The following OR56A3 variants were observed in gnomAD, a reference collection of about 807,000 sequenced individuals.
OR56A3 encodes olfactory receptor family 56 subfamily A member 3.
OR56A3 carries 23 observed loss-of-function variants against 17.5 expected under a neutral mutation model. The ratio of observed to expected loss-of-function variants is 1.32; its 90% CI spans 0.95 to 1.87. The LOEUF (loss-of-function observed/expected upper bound fraction) is 1.87, where lower values mean the gene tolerates loss of function less well. Ranked by LOEUF, OR56A3 falls within the 40% of genes most tolerant of loss-of-function variation. OR56A3 has a pLI of 0.00. For synonymous variants in OR56A3, 175 were observed against 150.6 expected, an observed-to-expected ratio of 1.16 and a Z score of -1.19; for missense variants, 366 against 380.1, an observed-to-expected ratio of 0.96 and a Z score of 0.31.
Position 5,947,450 on chromosome 11 carries a change from T to G in OR56A3, c.104T>G (p.Leu35Arg). 1 of 1,614,230 alleles carries G rather than the reference T, an allele frequency of 6.2e-7. No homozygotes were observed. The highest frequency in any genetic ancestry group is 8.5e-7 in the Non-Finnish European group (1 of 1,180,032). The change falls in exon 3 of 3, where the codon CTC becomes CGC. Residue 35 changes from leucine to arginine, a missense_variant. By Grantham distance (102) the Leu-to-Arg change is moderately radical. Transcript: ENST00000641160. ...TGGCAGCACTGGCTGTCCCTGCCCC[T>G]CAGCCTCCTTTTCCTCTTGGCCGTA... ...PSWQHWLSLP[L>R]SLLFLLAVGA...
At chr11:6,008,434 C>G in the OR56A3 span, among the ~76,000 whole-genome samples, 1 of 152,124 alleles carries the variant, frequency 6.6e-6, no homozygotes, top group Non-Finnish European at 1.5e-5. Flanking sequence ...TTGCTAAGAG[C>G]ATGCAGTTTA....
the OR56A3 span, chr11:6,002,758 T>A: frequency 6.2e-7 from 1 of 1,614,022 alleles, no homozygotes; most frequent in Non-Finnish European, 8.5e-7. Flanking sequence ...GGGATGACGG[T>A]GAGGCAGAGC....
At chr11:5,980,835 A>G in the OR56A3 span, among the ~76,000 whole-genome samples, 4 of 152,164 alleles carry the variant, frequency 2.6e-5, no homozygotes, top group Non-Finnish European at 5.9e-5. Flanking sequence ...TTCCATGCTT[A>G]GCACTTCTAA....
the OR56A3 span, among the ~76,000 whole-genome samples, chr11:5,980,274 T>A: frequency 6.6e-6 from 1 of 152,172 alleles, no homozygotes; most frequent in South Asian, 2.1e-4. Context: ...TGTATGATAC[T>A]ATCAATGGGG....
the OR56A3 span, chr11:5,967,831 A>T: frequency 1.9e-6 from 3 of 1,565,236 alleles, no homozygotes; most frequent in African/African-American, 2.7e-5. Context: ...AAGATAAAAA[A>T]GTAAGAGAGA....
the OR56A3 span, among the ~76,000 whole-genome samples, chr11:5,998,657 A>G: frequency 6.6e-6 from 1 of 152,204 alleles, no homozygotes; most frequent in Non-Finnish European, 1.5e-5. Flanking sequence ...GACTAAAATA[A>G]GAACCCAATA....
the OR56A3 span, among the ~76,000 whole-genome samples, chr11:5,964,535 G>A: frequency 6.6e-6 from 1 of 152,182 alleles, no homozygotes; most frequent in African/African-American, 2.4e-5. Flanking sequence ...TCTGAGGCTG[G>A]TATAGTGCCA....
chr11:6,003,004 TG>T, the OR56A3 span: 1 of 1,614,050 alleles, frequency 6.2e-7, no homozygotes, highest in African/African-American at 1.3e-5. Flanking sequence ...TAAAGTTTCC[TG>T]ATCAATCTGG....
chr11:5,982,395 G>A, the OR56A3 span, among the ~76,000 whole-genome samples: 10 of 152,128 alleles, frequency 6.6e-5, no homozygotes, highest in Non-Finnish European at 1.5e-4. Flanking sequence ...GCAGGGGTCG[G>A]GGGGCTTCTG....
At chr11:6,003,124 A>C in the OR56A3 span, 5 of 1,578,068 alleles carry the variant, frequency 3.2e-6, no homozygotes, top group Non-Finnish European at 4.3e-6. Flanking sequence ...TGTCCCAATA[A>C]AGTTTTTAAA....
the OR56A3 span, among the ~76,000 whole-genome samples, chr11:6,005,418 G>A: frequency 4.6e-5 from 7 of 152,320 alleles, no homozygotes; most frequent in East Asian, 1.9e-4. Context: ...AAAAGGAGGC[G>A]GGAGAGTAGA....
At chr11:5,982,545 C>T in the OR56A3 span, among the ~76,000 whole-genome samples, 1 of 152,136 alleles carries the variant, frequency 6.6e-6, no homozygotes, top group Non-Finnish European at 1.5e-5. Context: ...GGCTGGCAGA[C>T]AGGGCAGCAC....
the OR56A3 span, chr11:5,986,195 C>T: frequency 4.4e-5 from 71 of 1,613,844 alleles, no homozygotes; most frequent in Admixed American, 1.2e-3. Context: ...CTCCCTGGTA[C>T]CTTCAGCACT....
chr11:5,968,044 C>G, the OR56A3 span: 1 of 1,605,168 alleles, frequency 6.2e-7, no homozygotes, highest in East Asian at 2.2e-5. Context: ...CTGGCCACAA[C>G]AAAGATGGCA....
At chr11:5,980,360 C>G in the OR56A3 span, among the ~76,000 whole-genome samples, 2 of 151,886 alleles carry the variant, frequency 1.3e-5, no homozygotes, top group Non-Finnish European at 2.9e-5. Flanking sequence ...TTTATGAATG[C>G]TCAGTGTTGG....
the OR56A3 span, among the ~76,000 whole-genome samples, chr11:6,004,592 TA>T: frequency 6.6e-6 from 1 of 152,194 alleles, no homozygotes; most frequent in Non-Finnish European, 1.5e-5. Context: ...ATACATTATT[TA>T]AAAAAATTTA....
chr11:5,963,466 T>A, the OR56A3 span, among the ~76,000 whole-genome samples: 1 of 152,042 alleles, frequency 6.6e-6, no homozygotes, highest in African/African-American at 2.4e-5. Flanking sequence ...GTTGGCAGAT[T>A]TTTTGGTGTT....
At chr11:5,988,722 T>C in the OR56A3 span, among the ~76,000 whole-genome samples, 1 of 152,218 alleles carries the variant, frequency 6.6e-6, no homozygotes, top group Admixed American at 6.5e-5. Context: ...CCTCTCATCA[T>C]GATATTATAA....
At chr11:6,013,923 C>T in the OR56A3 span, among the ~76,000 whole-genome samples, 1 of 152,194 alleles carries the variant, frequency 6.6e-6, no homozygotes, top group Non-Finnish European at 1.5e-5. Flanking sequence ...CCTGCAATCA[C>T]TGCTACCACT....
Sources: gnomAD v4.1 joint callset for allele counts (sites outside exome capture counted in the v4.1 genomes callset) on GRCh38, gnomAD v4.1.1 for gene constraint, MANE v1.5 for transcripts, NCBI Gene and HGNC (gene_info 2026-07-23, HGNC 2026-07-21) for gene names.